Variants in RIMS2 observed in about 807,000 individuals in gnomAD.
RIMS2 encodes the protein regulating synaptic membrane exocytosis 2, also known as regulating synaptic membrane exocytosis protein 2.
Under a neutral mutation model 174.4 loss-of-function variants are expected in RIMS2, and 59 were observed. That is an observed-to-expected ratio of 0.34 (90% CI 0.27 to 0.42). The LOEUF is 0.42. Ranked by LOEUF, RIMS2 falls within the 10% of genes least tolerant of loss-of-function variation. The pLI is 1.00. For synonymous variants in RIMS2, 606 were observed against 572.5 expected, an observed-to-expected ratio of 1.06 and a Z score of -0.84; for missense variants, 1,620 against 1,666.3, an observed-to-expected ratio of 0.97 and a Z score of 0.48.
chr8:103,918,603 C>T, intron 9 of RIMS2, 116 bp downstream of exon 12: 1 of 752,772 alleles, frequency 1.3e-6, no homozygotes. Context: ...GTTATCAAGT[C>T]TGTAAGCATA....
At chr8:103,869,447 T>C (rs1307267039) in intron 3 of RIMS2, among the ~76,000 whole-genome samples, 1 of 152,096 alleles carries the variant, frequency 6.6e-6, no homozygotes, top group Non-Finnish European at 1.5e-5. Flanking sequence ...TCCGCCCATC[T>C]TGGCCTCCCA....
intron 6 of RIMS2, among the ~76,000 whole-genome samples, chr8:103,913,942 A>G (rs934775478): frequency 5.9e-5 from 9 of 152,162 alleles, no homozygotes; most frequent in African/African-American, 2.2e-4. Flanking sequence ...CATCCAAACT[A>G]TATCAGACTA....
downstream of RIMS2, chr8:104,253,124 A>T (rs2099362895): frequency 6.6e-6 from 1 of 152,242 alleles, no homozygotes; most frequent in African/African-American, 2.4e-5. Context: ...TTTATTGTAC[A>T]GTGCATGGTA....
At chr8:103,822,171 G>A in intron 3 of RIMS2, among the ~76,000 whole-genome samples, 1 of 151,678 alleles carries the variant, frequency 6.6e-6, no homozygotes, top group Non-Finnish European at 1.5e-5. Flanking sequence ...TGCATCATTT[G>A]TAGACAATGT....
At chr8:103,972,381 T>A (rs1198140023) in intron 15 of RIMS2, among the ~76,000 whole-genome samples, 1 of 152,242 alleles carries the variant, frequency 6.6e-6, no homozygotes, top group Non-Finnish European at 1.5e-5. Context: ...TCCACTTCTA[T>A]AATCTCTGTT....
chr8:103,692,484 A>G (rs942484680), intron 1 of RIMS2, among the ~76,000 whole-genome samples: 2 of 152,174 alleles, frequency 1.3e-5, no homozygotes, highest in African/African-American at 4.8e-5. Flanking sequence ...TCCTATGGCT[A>G]CCACAACTGG....
At chr8:103,754,179 G>T (rs776829623) in intron 2 of RIMS2, among the ~76,000 whole-genome samples, 2 of 151,994 alleles carry the variant, frequency 1.3e-5, no homozygotes, top group African/African-American at 4.8e-5. Flanking sequence ...CCTTCATTTC[G>T]TTATGTACCC....
At chr8:103,654,725 G>A (rs2096502624) in intron 1 of RIMS2, among the ~76,000 whole-genome samples, 1 of 151,746 alleles carries the variant, frequency 6.6e-6, no homozygotes, top group Non-Finnish European at 1.5e-5. Context: ...TTCTCAATAT[G>A]AATACTATGT....
At chr8:103,905,736 T>C (rs1594890887) in intron 4 of RIMS2, among the ~76,000 whole-genome samples, 1 of 151,630 alleles carries the variant, frequency 6.6e-6, no homozygotes, top group African/African-American at 2.4e-5. Context: ...CTTTTTGCTA[T>C]AGTTTCTTAG....
At chr8:104,025,029 T>C (rs1169879792) in intron 19 of RIMS2, among the ~76,000 whole-genome samples, 2 of 152,040 alleles carry the variant, frequency 1.3e-5, no homozygotes, top group African/African-American at 4.8e-5. Context: ...GTGGAGAAAA[T>C]CAAGTGTAGG....
intron 3 of RIMS2, among the ~76,000 whole-genome samples, chr8:103,838,731 A>G (rs1321058029): frequency 1.3e-5 from 2 of 152,052 alleles, no homozygotes; most frequent in East Asian, 3.9e-4. Flanking sequence ...AGTATATTCT[A>G]CGCTTCTATT....
intron 3 of RIMS2, among the ~76,000 whole-genome samples, chr8:103,814,548 T>C (rs999927308): frequency 3.9e-5 from 6 of 152,110 alleles, no homozygotes; most frequent in Admixed American, 3.9e-4. Flanking sequence ...AATTAAACAA[T>C]TTGAATTATT....
At chr8:103,786,334 G>C (rs1230694712) in intron 3 of RIMS2, among the ~76,000 whole-genome samples, 1 of 151,900 alleles carries the variant, frequency 6.6e-6, no homozygotes, top group Non-Finnish European at 1.5e-5. Flanking sequence ...ATTTGCTCTT[G>C]CTTTTCTAGT....
chr8:103,961,027 A>G, intron 14 of RIMS2, 38 bp from the exon 17 acceptor site: 1 of 1,048,728 alleles, frequency 9.5e-7, no homozygotes, highest in Admixed American at 1.8e-5. Context: ...TCCTTAGAGA[A>G]TCAGAATTTT....
intron 3 of RIMS2, among the ~76,000 whole-genome samples, chr8:103,839,064 CA>C (rs529461630): frequency 2.0e-5 from 3 of 150,466 alleles, no homozygotes; most frequent in Non-Finnish European, 3.0e-5. Flanking sequence ...CACTCCGTCT[CA>C]AAAAAAAAGG....
intron 1 of RIMS2, among the ~76,000 whole-genome samples, chr8:103,589,187 TA>T (rs2094127126): frequency 6.6e-6 from 1 of 151,484 alleles, no homozygotes; most frequent in Non-Finnish European, 1.5e-5. Context: ...TTAGAACTGA[TA>T]AGGGGATAAT....
intron 2 of RIMS2, among the ~76,000 whole-genome samples, chr8:103,728,392 A>G (rs1039367592): frequency 6.6e-6 from 1 of 151,884 alleles, no homozygotes; most frequent in Non-Finnish European, 1.5e-5. Flanking sequence ...AATTTGACTT[A>G]TTTATTTCTC....
chr8:103,647,356 T>C (rs2096358773), intron 1 of RIMS2, among the ~76,000 whole-genome samples: 1 of 150,632 alleles, frequency 6.6e-6, no homozygotes, highest in Non-Finnish European at 1.5e-5. Context: ...TTTGCATTGA[T>C]GTTCATCAAG....
intron 1 of RIMS2, among the ~76,000 whole-genome samples, chr8:103,610,942 C>G (rs1291430919): frequency 1.3e-5 from 2 of 152,094 alleles, no homozygotes; most frequent in Non-Finnish European, 2.9e-5. Flanking sequence ...AGGCGTGAAT[C>G]CTTCTGGGCC....
Sources: gnomAD v4.1 joint callset for allele counts (sites outside exome capture counted in the v4.1 genomes callset) on GRCh38, gnomAD v4.1.1 for gene constraint, MANE v1.5 for transcripts, NCBI Gene and HGNC (gene_info 2026-07-23, HGNC 2026-07-21) for gene names.